The following ETV6 variants were observed in gnomAD, a reference collection of about 807,000 sequenced individuals.
ETV6 encodes the protein ETS variant transcription factor 6, also known as transcription factor ETV6.
ETV6 carries 16 observed loss-of-function variants against 51.1 expected under a neutral mutation model. The observed-to-expected ratio is 0.31, with a 90% CI of 0.21 to 0.48. ETV6 has a LOEUF of 0.48. Among genes scored for constraint, ETV6 ranks in the 20% least tolerant of loss-of-function variants. The probability of loss-of-function intolerance (pLI) is 0.99; values close to 1 mark genes in which losing one functional copy is unlikely to be tolerated. For missense variants in ETV6, 458 were observed against 594.8 expected, an observed-to-expected ratio of 0.77 and a Z score of 2.39; for synonymous variants, 240 against 224.1, an observed-to-expected ratio of 1.07 and a Z score of -0.64.
intron 1 of ETV6, among the ~76,000 whole-genome samples, chr12:11,686,548 G>A (rs1864631794): frequency 6.6e-6 from 1 of 151,938 alleles, no homozygotes; most frequent in South Asian, 2.1e-4. Flanking sequence ...TTTTTTTTGA[G>A]ATGCAGTCTC....
intron 2 of ETV6, among the ~76,000 whole-genome samples, chr12:11,798,005 T>G (rs987886999): frequency 8.1e-4 from 123 of 152,308 alleles, no homozygotes; most frequent in African/African-American, 2.5e-3. Flanking sequence ...TTGTTTTTTA[T>G]TACCATACAA....
intron 3 of ETV6, among the ~76,000 whole-genome samples, chr12:11,851,250 A>G (rs1342809981): frequency 4.0e-5 from 6 of 150,556 alleles, no homozygotes; most frequent in African/African-American, 1.5e-4. Flanking sequence ...TTTTTTTAGT[A>G]ATAGTAATCA....
intron 1 of ETV6, among the ~76,000 whole-genome samples, chr12:11,715,556 C>A (rs1865258266): frequency 6.6e-6 from 1 of 152,238 alleles, no homozygotes; most frequent in East Asian, 1.9e-4. Flanking sequence ...AGCTGGGATC[C>A]AAACCCAGGT....
rs547786286 is a variant in ETV6, at chr12:11,883,276, C to CTTTTT, written c.1010-1138_1010-1134dup. Among the ~76,000 whole-genome samples the CTTTTT allele has an allele frequency of 3.6e-3, 281 of 79,004 alleles. 9 individuals carry two copies. Among genetic ancestry groups the CTTTTT allele is most frequent in the East Asian group, 0.014 (36 of 2,566 alleles). 51.8% of individuals were successfully genotyped at this position (79,004 alleles called of 152,430 possible). On this transcript the variant is annotated intron_variant, in intron 5 of 7. Transcript: ENST00000396373. ...GGGAAGGTGTACATCATGTCTTCTT[C>CTTTTT]TTTTTTTTTTTTTTTTTTTTTTTTT... is the stretch of plus-strand genomic sequence containing the variant.
chr12:11,841,856 G>A (rs1946394987), intron 3 of ETV6, among the ~76,000 whole-genome samples: 1 of 152,118 alleles, frequency 6.6e-6, no homozygotes, highest in South Asian at 2.1e-4. Context: ...GCCGAGGCGG[G>A]CGGATCACGA....
chr12:11,739,602 C>G (rs1416760152), intron 1 of ETV6, among the ~76,000 whole-genome samples: 1 of 151,972 alleles, frequency 6.6e-6, no homozygotes, highest in African/African-American at 2.4e-5. Flanking sequence ...AATTTAGTGT[C>G]GGATTTGAAA....
intron 2 of ETV6, among the ~76,000 whole-genome samples, chr12:11,765,978 G>A (rs1049097436): frequency 5.9e-5 from 9 of 152,250 alleles, no homozygotes; most frequent in East Asian, 1.9e-4. Flanking sequence ...CATGAAAGCC[G>A]CAGGTACTGG....
At chr12:11,854,047 C>T (rs546874184) in intron 4 of ETV6, among the ~76,000 whole-genome samples, 2 of 152,112 alleles carry the variant, frequency 1.3e-5, no homozygotes, top group African/African-American at 4.8e-5. Context: ...AATAATTATA[C>T]AATCCACCAT....
At chr12:11,874,866 A>G (rs936132715) in intron 5 of ETV6, among the ~76,000 whole-genome samples, 5 of 143,388 alleles carry the variant, frequency 3.5e-5, no homozygotes, top group African/African-American at 1.3e-4. Flanking sequence ...TGGACACAGG[A>G]AGGGGAACAT....
intron 2 of ETV6, among the ~76,000 whole-genome samples, chr12:11,811,133 C>A: frequency 6.6e-6 from 1 of 152,182 alleles, no homozygotes; most frequent in East Asian, 1.9e-4. Flanking sequence ...TAACTCAAAT[C>A]ATTGCCCGGA....
chr12:11,761,430 G>A (rs1945084679), intron 2 of ETV6, among the ~76,000 whole-genome samples: 1 of 152,130 alleles, frequency 6.6e-6, no homozygotes, highest in Non-Finnish European at 1.5e-5. Context: ...GTAAAAAGAG[G>A]TTCCTTGTCT....
chr12:11,864,780 G>A (rs1946768953), intron 4 of ETV6, among the ~76,000 whole-genome samples: 1 of 151,812 alleles, frequency 6.6e-6, no homozygotes, highest in Non-Finnish European at 1.5e-5. Context: ...TTTATAACAG[G>A]AAATATCAAA....
At chr12:11,674,701 G>T (rs1864383563) in intron 1 of ETV6, among the ~76,000 whole-genome samples, 1 of 151,084 alleles carries the variant, frequency 6.6e-6, no homozygotes, top group Admixed American at 6.6e-5. Context: ...GTGCGACCCT[G>T]GGTGAGCCAG....
chr12:11,808,457 C>A (rs899049167), intron 2 of ETV6, among the ~76,000 whole-genome samples: 17 of 148,902 alleles, frequency 1.1e-4, no homozygotes, highest in Middle Eastern at 3.5e-3. Context: ...AAAAAAAAAA[C>A]CCACAAATGC....
At chr12:11,829,316 A>G (rs759473135) in intron 2 of ETV6, among the ~76,000 whole-genome samples, 1 of 152,208 alleles carries the variant, frequency 6.6e-6, no homozygotes, top group African/African-American at 2.4e-5. Context: ...ACTGTGCAAC[A>G]TCTCTATAGG....
intron 1 of ETV6, among the ~76,000 whole-genome samples, chr12:11,708,264 A>G (rs1865109624): frequency 6.6e-6 from 1 of 152,086 alleles, no homozygotes; most frequent in Admixed American, 6.5e-5. Flanking sequence ...AGTGAAAAAA[A>G]AAAAAAAAAG....
At chr12:11,683,939 T>A (rs1864580745) in intron 1 of ETV6, among the ~76,000 whole-genome samples, 1 of 152,140 alleles carries the variant, frequency 6.6e-6, no homozygotes, top group South Asian at 2.1e-4. Context: ...AAGTACACTA[T>A]GGAAATGTGC....
chr12:11,662,761 C>G (rs1017698710), intron 1 of ETV6, among the ~76,000 whole-genome samples: 4 of 152,166 alleles, frequency 2.6e-5, no homozygotes, highest in Non-Finnish European at 4.4e-5. Context: ...CATATTTCTG[C>G]CAGACTAAAT....
intron 2 of ETV6, among the ~76,000 whole-genome samples, chr12:11,831,533 GT>G (rs1206462096): frequency 6.6e-6 from 1 of 152,092 alleles, no homozygotes; most frequent in Non-Finnish European, 1.5e-5. Context: ...CCCTTAAATA[GT>G]TTTTTAAATA....
Sources: gnomAD v4.1 joint callset for allele counts (sites outside exome capture counted in the v4.1 genomes callset) on GRCh38, gnomAD v4.1.1 for gene constraint, MANE v1.5 for transcripts, NCBI Gene and HGNC (gene_info 2026-07-23, HGNC 2026-07-21) for gene names.